Variants in PPP2R3A observed in about 807,000 individuals in gnomAD.
PPP2R3A encodes serine/threonine-protein phosphatase 2A regulatory subunit B'' subunit alpha.
A neutral mutation model predicts 106.9 loss-of-function variants in PPP2R3A; 80 were observed. That is an observed-to-expected ratio of 0.75 (90% confidence interval 0.62 to 0.90). The LOEUF (loss-of-function observed/expected upper bound fraction) is 0.90, where lower values mean the gene tolerates loss of function less well. Ranked by LOEUF, PPP2R3A falls within the 40% of genes least tolerant of loss-of-function variation. The pLI is 0.00. For missense variants in PPP2R3A, 1,386 were observed against 1,350.4 expected, an observed-to-expected ratio of 1.03 and a Z score of -0.41; for synonymous variants, 483 against 468.3, an observed-to-expected ratio of 1.03 and a Z score of -0.41.
intron 3 of PPP2R3A, among the ~76,000 whole-genome samples, chr3:136,032,912 G>A (rs979742383): frequency 6.6e-6 from 1 of 152,178 alleles, no homozygotes; most frequent in African/African-American, 2.4e-5. Flanking sequence ...CCAGTACTAT[G>A]TTGAAGAAGA....
chr3:136,106,074 C>G (rs944516277), intron 12 of PPP2R3A, 142 bp from the exon 13 acceptor site: 145 of 677,588 alleles, frequency 2.1e-4, no homozygotes, highest in Admixed American at 1.1e-4. Flanking sequence ...GGAGTTTTAC[C>G]TTAGCACCTC....
rs1466764100 is a variant in PPP2R3A at position 136,146,567 on chromosome 3, TAAC to T, written c.*1404_*1406del. 1 of 152,186 alleles carries T rather than the reference TAAC, an allele frequency of 6.6e-6. No homozygotes were observed. Among genetic ancestry groups the T allele is most frequent in the African/African-American group, 2.4e-5 (1 of 41,436 alleles). The allele number at this position is 152,186 out of a possible 1,614,324, so 9.4% of individuals were successfully genotyped here. A position where few individuals can be genotyped will look rare whatever the true frequency, so the allele number is the denominator to read the frequency against. ...AAACAAGGTACAGTACAGTGAGAGT[TAAC>T]AATCCTAGGAATCCTGCCTGTCACA... On this transcript the variant is annotated 3_prime_UTR_variant, in exon 14 of 14. Coordinates refer to ENST00000264977, the MANE Select transcript of PPP2R3A (RefSeq NM_002718.5).
At chr3:136,103,201 T>G in intron 11 of PPP2R3A, 57 bp from the exon 12 acceptor site, 1 of 1,184,404 alleles carries the variant, frequency 8.4e-7, no homozygotes, top group Non-Finnish European at 1.2e-6. Context: ...GAAAGTTTTT[T>G]CCTCTTGCCA....
rs1388698931 is a variant in PPP2R3A at position 135,978,025 on chromosome 3, AGAT to A, written c.-441+12177_-441+12179del. Among the ~76,000 whole-genome samples the A allele has an allele frequency of 4.6e-5, 7 of 152,064 alleles. No individual in the cohort carries two copies. In the South Asian group the frequency reaches 1.0e-3, roughly 23 times the overall value. Reference sequence around the variant, plus strand: ...TGATCAGCATTCTTATAAAACATCAAGATATATCTAATATTTTTAAAACTGTAT... The same window carrying A: ...TGATCAGCATTCTTATAAAACATCAAATATCTAATATTTTTAAAACTGTAT... On this transcript the variant is annotated intron_variant, in intron 1 of 13. Coordinates refer to ENST00000264977, the MANE Select transcript of PPP2R3A (RefSeq NM_002718.5).
chr3:136,003,248 G>A lies in PPP2R3A; in HGVS notation c.1750G>A (p.Glu584Lys). 1.2e-6 allele frequency: 2 copies of A among 1,613,798 alleles called. No homozygotes were observed. Among genetic ancestry groups the A allele is most frequent in the Non-Finnish European group, 1.7e-6 (2 of 1,179,790 alleles). The change falls in exon 2 of 14, where the codon GAG (glutamate) becomes AAG (lysine). Residue 584 changes from glutamate to lysine, a missense_variant. Physicochemically the swap from Glu to Lys is moderately conservative, Grantham distance 56 (BLOSUM62 1). Transcript: ENST00000264977. ...TATTGAAACCAATGGACACAAAATA[G>A]AGGAAGAGGATCGAGCCCTCTTACT... is the stretch of plus-strand genomic sequence containing the variant. ...RIIETNGHKI[E>K]EEDRALLLRI...
Position 136,105,158 on chromosome 3 carries a change from C to A in PPP2R3A, c.3223-1058C>A, listed in dbSNP as rs552678402. On this transcript the variant is annotated intron_variant, in intron 12 of 13. Coordinates refer to ENST00000264977, the MANE Select transcript of PPP2R3A (RefSeq NM_002718.5). ...AAGGGCTGTTTCCAGGAAGCTATCA[C>A]AGACAGCGTGGTATCTGAGTTGGCT... Among the ~76,000 whole-genome samples the A allele has an allele frequency of 3.3e-5, 5 of 152,320 alleles. No individual in the cohort carries two copies. In the South Asian group the frequency reaches 1.0e-3, roughly 32 times the overall value.
chr3:136,059,494 T>C (rs185510755), intron 5 of PPP2R3A, among the ~76,000 whole-genome samples: 26 of 152,276 alleles, frequency 1.7e-4, no homozygotes, highest in African/African-American at 6.0e-4. Context: ...CCGGCAAGGT[T>C]GTGAACAAAA....
At chr3:136,062,851 T>G (rs186432069) in intron 5 of PPP2R3A, among the ~76,000 whole-genome samples, 1 of 152,196 alleles carries the variant, frequency 6.6e-6, no homozygotes, top group African/African-American at 2.4e-5. Flanking sequence ...TTGCCCATGG[T>G]AATTTATAGA....
intron 13 of PPP2R3A, among the ~76,000 whole-genome samples, chr3:136,135,273 CAT>C (rs1422330750): frequency 3.9e-5 from 6 of 152,092 alleles, no homozygotes; most frequent in Non-Finnish European, 5.9e-5. Flanking sequence ...ACACAGAACA[CAT>C]GTGGGTTATG....
At chr3:136,126,690 G>T (rs562061829) in intron 13 of PPP2R3A, among the ~76,000 whole-genome samples, 132 of 152,308 alleles carry the variant, frequency 8.7e-4, no homozygotes, top group Non-Finnish European at 1.5e-3. Context: ...GCCTCCTCAA[G>T]TGAGTCCCTG....
At chr3:136,009,938 A>C (rs1933986610) in intron 2 of PPP2R3A, among the ~76,000 whole-genome samples, 1 of 152,188 alleles carries the variant, frequency 6.6e-6, no homozygotes, top group Admixed American at 6.5e-5. Flanking sequence ...AACCATGCTG[A>C]GTGGTCTTGC....
chr3:136,133,393 GTAT>G (rs1032268168), intron 13 of PPP2R3A, among the ~76,000 whole-genome samples: 1 of 152,126 alleles, frequency 6.6e-6, no homozygotes, highest in Non-Finnish European at 1.5e-5. Flanking sequence ...AAGATGTTCT[GTAT>G]TATTAGACAT....
At chr3:136,050,992 C>G (rs993517415) in intron 5 of PPP2R3A, among the ~76,000 whole-genome samples, 2 of 152,184 alleles carry the variant, frequency 1.3e-5, no homozygotes, top group African/African-American at 4.8e-5. Flanking sequence ...AGATGTCTAA[C>G]AGAAAGAGCC....
rs1939075527 is a variant in PPP2R3A, at chr3:136,145,315, G to GTC, written c.*151_*152dup. The GTC allele has an allele frequency of 9.9e-7, 1 of 1,013,464 alleles. No individual in the cohort carries two copies. Among genetic ancestry groups the GTC allele is most frequent in the African/African-American group, 1.7e-5 (1 of 60,004 alleles). The allele number at this position is 1,013,464 out of a possible 1,614,324, so 62.8% of individuals were successfully genotyped here. ...TAGGAACTTTGTTTTTAAGCAATAGGTCTGGATACACATTTAACTTAGGAG... is the reference window on the plus strand; with the variant it reads ...TAGGAACTTTGTTTTTAAGCAATAGGTCTCTGGATACACATTTAACTTAGGAG... On this transcript the variant is annotated 3_prime_UTR_variant, in exon 14 of 14. Transcript: ENST00000264977.
chr3:136,054,354 G>T (rs1935788668), intron 5 of PPP2R3A, among the ~76,000 whole-genome samples: 1 of 149,752 alleles, frequency 6.7e-6, no homozygotes, highest in African/African-American at 2.5e-5. Flanking sequence ...CGCCTCCCGG[G>T]TTCAAGCAAT....
chr3:135,971,678 A>G lies in PPP2R3A; in HGVS notation c.-441+5829A>G, dbSNP rs79260524. Among the ~76,000 whole-genome samples the G allele has an allele frequency of 1.9e-3, 287 of 152,342 alleles. 6 individuals are homozygous for G. In the East Asian group the frequency reaches 0.051, roughly 27 times the overall value. On this transcript the variant is annotated intron_variant, in intron 1 of 13. Coordinates refer to ENST00000264977, the MANE Select transcript of PPP2R3A (RefSeq NM_002718.5). ...ATGATGGTTAACTTCTGTATAAAGG[A>G]TGACTTTGTGACATGAAAGCAGACC... is the stretch of plus-strand genomic sequence containing the variant.
In PPP2R3A at chr3:136,145,845, A is replaced by AT. The variant is rs1939097365; in HGVS notation, c.*680dup. 1 of 152,486 alleles carries AT rather than the reference A, an allele frequency of 6.6e-6. No individual in the cohort carries two copies. The highest frequency in any genetic ancestry group is 1.5e-5 in the Non-Finnish European group (1 of 68,030). The allele number at this position is 152,486 out of a possible 1,614,324, so 9.4% of individuals were successfully genotyped here. A position where few individuals can be genotyped will look rare whatever the true frequency, so the allele number is the denominator to read the frequency against. On this transcript the variant is annotated 3_prime_UTR_variant, in exon 14 of 14. Coordinates refer to ENST00000264977, the MANE Select transcript of PPP2R3A (RefSeq NM_002718.5). ...TGTGGATCTTATATAAAATCTCAAG[A>AT]TAAAAAAACACTTCTTAAATGAAGT...
chr3:136,014,179 A>C (rs1461737719), intron 2 of PPP2R3A, among the ~76,000 whole-genome samples: 3 of 152,020 alleles, frequency 2.0e-5, no homozygotes, highest in Non-Finnish European at 4.4e-5. Flanking sequence ...TGGGTTCTCC[A>C]TTCTGTTCCA....
intron 4 of PPP2R3A, among the ~76,000 whole-genome samples, chr3:136,041,816 A>G (rs559954589): frequency 6.6e-6 from 1 of 152,228 alleles, no homozygotes; most frequent in South Asian, 2.1e-4. Context: ...TAACATTCTG[A>G]CAAATTTTCT....
Sources: allele counts gnomAD v4.1 joint callset (sites outside exome capture counted in the v4.1 genomes callset), GRCh38; gene constraint gnomAD v4.1.1; transcripts MANE v1.5; gene names NCBI Gene and HGNC (gene_info 2026-07-23, HGNC 2026-07-21).